Variants in PXDN observed in about 807,000 individuals in gnomAD.
The protein encoded by PXDN is peroxidasin.
In PXDN, 77 loss-of-function variants were observed where a neutral mutation model predicts 140.3. The ratio of observed to expected loss-of-function variants is 0.55; its 90% CI spans 0.46 to 0.66. PXDN has a LOEUF of 0.66. Ranked by LOEUF, PXDN falls within the 30% of genes least tolerant of loss-of-function variation. The pLI is 0.00. For synonymous variants in PXDN, 911 were observed against 857.4 expected (o/e 1.06, Z -1.09); for missense variants, 1,838 against 2,039.5 (o/e 0.90, Z 1.90).
chr2:1,635,365 T>C (rs1302687105), intron 22 of PXDN, 43 bp downstream of exon 22: 1 of 1,512,458 alleles, frequency 6.6e-7, no homozygotes, highest in Admixed American at 2.0e-5. Flanking sequence ...CTCTCGGACT[T>C]GCGTATACCT....
At chr2:1,652,373 G>A (rs1447536806) in intron 16 of PXDN, among the ~76,000 whole-genome samples, 1 of 152,106 alleles carries the variant, frequency 6.6e-6, no homozygotes, top group South Asian at 2.1e-4. Context: ...TGGCACCAGG[G>A]ACTTGGGAAG....
chr2:1,652,346 C>T (rs773173666), intron 16 of PXDN, among the ~76,000 whole-genome samples: 8 of 152,088 alleles, frequency 5.3e-5, no homozygotes, highest in Non-Finnish European at 1.0e-4. Context: ...GAGAACATGG[C>T]CTTTCTACCA....
intron 1 of PXDN, among the ~76,000 whole-genome samples, chr2:1,724,558 T>TTTGCTTCAAGACGGCACCACTCTGCCA (rs1685133209): frequency 6.6e-6 from 1 of 152,080 alleles, no homozygotes; most frequent in African/African-American, 2.4e-5. Context: ...TCATGGTGGT[T>TTTGCTTCAAGACGGCACCACTCTGCCA]TTGCTTCAAG....
intron 9 of PXDN, 123 bp downstream of exon 9, chr2:1,673,520 A>T: frequency 7.7e-7 from 1 of 1,304,316 alleles, no homozygotes; most frequent in Non-Finnish European, 1.1e-6. Flanking sequence ...CAACCCTGGT[A>T]CTGGAGCTTC....
Position 1,739,768 on chromosome 2 carries a change from G to T in PXDN, c.200+4488C>A, listed in dbSNP as rs78314518. ...ACACAGAGAGCTCTGAAGATCAGCC[G>T]CCTCCCAGGCTCCCACGCTGAGAAA... On this transcript the variant is annotated intron_variant, in intron 1 of 22. Transcript: ENST00000252804. Among the ~76,000 whole-genome samples, 510 of 152,234 alleles carry T rather than the reference G, an allele frequency of 3.4e-3. 5 individuals carry two copies. The highest frequency in any genetic ancestry group is 0.03 in the South Asian group (145 of 4,814).
chr2:1,721,227 G>C (rs1017448487), intron 1 of PXDN, among the ~76,000 whole-genome samples: 2 of 152,148 alleles, frequency 1.3e-5, no homozygotes, highest in African/African-American at 4.8e-5. Context: ...TGAGGATGGG[G>C]CTCCTTCACT....
chr2:1,649,577 T>C lies in PXDN; in HGVS notation c.2203A>G (p.Met735Val). 6.2e-7 allele frequency: 1 copy of C among 1,614,034 alleles called. No homozygotes were observed. The highest frequency in any genetic ancestry group is 1.3e-5 in the African/African-American group (1 of 75,066). The change falls in exon 17 of 23, where the codon ATG becomes GTG. Residue 735 changes from methionine (M) to valine (V), a missense_variant. This residue lies in a region of PXDN where 537 missense variants were observed against 583.9 expected (regional missense o/e 0.92). Coordinates refer to ENST00000252804, the MANE Select transcript of PXDN (RefSeq NM_012293.3). The surrounding 1 kb of genome is among the most constrained non-coding windows in gnomAD (Gnocchi z 7.1). ...AHRRVNNCSD[M>V]CFHQKYRTHD... ...GTCCGGTACTTCTGGTGGAAGCACATGTCCGAGCAGTTGTTCACGCGCCGG... is the reference window on the plus strand; with the variant it reads ...GTCCGGTACTTCTGGTGGAAGCACACGTCCGAGCAGTTGTTCACGCGCCGG...
Position 1,633,364 on chromosome 2 carries a change from A to C in PXDN, c.*840T>G, listed in dbSNP as rs531508036. On this transcript the variant is annotated 3_prime_UTR_variant, in exon 23 of 23. Transcript: ENST00000252804. ...AGGTATCAGATACACAATGGGATGAAGGAGGTTTTTTCACATTTGGTTCAC... is the reference window on the plus strand; with the variant it reads ...AGGTATCAGATACACAATGGGATGACGGAGGTTTTTTCACATTTGGTTCAC... 1 of 152,132 alleles carries C rather than the reference A, an allele frequency of 6.6e-6. No individual in the cohort carries two copies. Among genetic ancestry groups the C allele is most frequent in the South Asian group, 2.1e-4 (1 of 4,792 alleles). 9.4% of individuals were successfully genotyped at this position (152,132 alleles called of 1,614,324 possible). A position where few individuals can be genotyped will look rare whatever the true frequency, so the allele number is the denominator to read the frequency against.
chr2:1,656,492 C>A (rs1001073900), intron 14 of PXDN, among the ~76,000 whole-genome samples: 3 of 152,192 alleles, frequency 2.0e-5, no homozygotes, highest in African/African-American at 7.2e-5. Flanking sequence ...TCTATGGGGA[C>A]CTGCCCCCTC....
chr2:1,642,415 C>G (rs1682749533), intron 19 of PXDN, among the ~76,000 whole-genome samples: 1 of 152,206 alleles, frequency 6.6e-6, no homozygotes, highest in Non-Finnish European at 1.5e-5. Flanking sequence ...TGGACAGTGT[C>G]TGTACTTTGT....
chr2:1,715,760 A>G (rs1303653068), intron 1 of PXDN, among the ~76,000 whole-genome samples: 1 of 152,184 alleles, frequency 6.6e-6, no homozygotes, highest in Non-Finnish European at 1.5e-5. Flanking sequence ...TAACTCATGG[A>G]AAGGCCTCAC....
chr2:1,686,146 C>T (rs1051145034), intron 4 of PXDN, among the ~76,000 whole-genome samples: 1 of 152,242 alleles, frequency 6.6e-6, no homozygotes, highest in African/African-American at 2.4e-5. Flanking sequence ...CCTGGACATA[C>T]AGCCCTTTGC....
chr2:1,632,000 G>C lies in PXDN; in HGVS notation c.*2204C>G, dbSNP rs564477336. 6.5e-6 allele frequency: 1 copy of C among 152,744 alleles called. No individual in the cohort carries two copies. Among genetic ancestry groups the C allele is most frequent in the East Asian group, 1.9e-4 (1 of 5,182 alleles). 9.5% of individuals were successfully genotyped at this position (152,744 alleles called of 1,614,324 possible). A position where few individuals can be genotyped will look rare whatever the true frequency, so the allele number is the denominator to read the frequency against. On this transcript the variant is annotated 3_prime_UTR_variant, in exon 23 of 23. Coordinates refer to ENST00000252804, the MANE Select transcript of PXDN (RefSeq NM_012293.3). ...GTCATAAAAAAGGCATTTGGCTGTT[G>C]GAGCAGTTAGAAAAGTAAATAAATA...
At chr2:1,724,314 T>TG in intron 1 of PXDN, among the ~76,000 whole-genome samples, 1 of 148,434 alleles carries the variant, frequency 6.7e-6, no homozygotes, top group South Asian at 2.1e-4. Flanking sequence ...GAATTTCCGT[T>TG]TTTTTTTTTT....
At position 1,714,797 on chromosome 2, in the gene PXDN, G is replaced by A. The variant is rs374098042; in HGVS notation, c.201-21663C>T. Among the ~76,000 whole-genome samples, 170 of 152,230 alleles carry A rather than the reference G, an allele frequency of 1.1e-3. No individual in the cohort carries two copies. The highest frequency in any genetic ancestry group is 1.9e-3 in the Non-Finnish European group (130 of 68,030). On this transcript the variant is annotated intron_variant, in intron 1 of 22. Transcript: ENST00000252804. This position sits in a 1 kb window ranked among gnomAD's most constrained non-coding sequence, Gnocchi z 4.3. ...ATGCAAAGTGCATAGCTCTTGGGCC[G>A]GACAAACCAGGCCTGGGTCAGATGG...
intron 11 of PXDN, chr2:1,664,029 G>A (rs1336268600): frequency 1.3e-5 from 6 of 445,448 alleles, no homozygotes; most frequent in Non-Finnish European, 2.4e-5. Flanking sequence ...GGAGGACATG[G>A]GGACTCGGGG....
intron 11 of PXDN, 124 bp downstream of exon 11, chr2:1,664,834 T>C: frequency 1.2e-6 from 1 of 845,062 alleles, no homozygotes. Context: ...CTTGGTCCTG[T>C]GGAATCCAGT....
intron 1 of PXDN, among the ~76,000 whole-genome samples, chr2:1,725,685 A>G (rs1482877313): frequency 7.2e-5 from 11 of 152,266 alleles, no homozygotes; most frequent in Admixed American, 3.3e-4. Context: ...TCTTCTGACA[A>G]AGGGCTAATA....
chr2:1,680,884 C>G (rs1445442567), intron 6 of PXDN, among the ~76,000 whole-genome samples: 2 of 152,184 alleles, frequency 1.3e-5, no homozygotes, highest in Admixed American at 6.5e-5. Flanking sequence ...GGCTGGGGTT[C>G]ACACCTAAGT....
Sources: allele counts gnomAD v4.1 joint callset (sites outside exome capture counted in the v4.1 genomes callset), GRCh38; gene constraint gnomAD v4.1.1; regional missense constraint gnomAD v4.1.1; non-coding constraint Gnocchi (gnomAD v3.1); transcripts MANE v1.5; gene names NCBI Gene and HGNC (gene_info 2026-07-23, HGNC 2026-07-21).